Variants in MEGF6 observed in about 807,000 individuals in gnomAD.
MEGF6 encodes the protein multiple EGF like domains 6.
In MEGF6, 184 loss-of-function variants were observed where a neutral mutation model predicts 207.1. That is an observed-to-expected ratio of 0.89 (90% CI 0.79 to 1.00). The LOEUF (loss-of-function observed/expected upper bound fraction) is 1.00, where lower values mean the gene tolerates loss of function less well. Among genes scored for constraint, MEGF6 ranks in the 50% least tolerant of loss-of-function variants. MEGF6 has a pLI of 0.00. For missense variants in MEGF6, 2,282 were observed against 2,202.9 expected (o/e 1.04, Z -0.72); for synonymous variants, 1,038 against 910.0 (o/e 1.14, Z -2.53).
chr1:3,531,485 G>A lies in MEGF6; in HGVS notation c.482-7239C>T. The A allele has an allele frequency of 3.8e-6, 4 of 1,066,644 alleles. No individual in the cohort carries two copies. In the South Asian group the frequency reaches 1.3e-4, roughly 36 times the overall value. The allele number at this position is 1,066,644 out of a possible 1,614,324, so 66.1% of individuals were successfully genotyped here. A position where few individuals can be genotyped will look rare whatever the true frequency, so the allele number is the denominator to read the frequency against. Reference sequence around the variant, plus strand: ...CGCCCCGCAGGTAAAGGCCAAGTCCGCAGACAACCGAGGGAGCCGCCCCCG... The same window carrying A: ...CGCCCCGCAGGTAAAGGCCAAGTCCACAGACAACCGAGGGAGCCGCCCCCG... On this transcript the variant is annotated intron_variant, in intron 4 of 36. Transcript: ENST00000356575.
At chr1:3,506,366 T>G in intron 14 of MEGF6, 130 bp from the exon 15 acceptor site, 3 of 1,161,234 alleles carry the variant, frequency 2.6e-6, no homozygotes, top group Non-Finnish European at 3.6e-6. Context: ...GCCAGGGCAC[T>G]AGGTGAGCCT....
intron 3 of MEGF6, among the ~76,000 whole-genome samples, chr1:3,582,433 C>T (rs759400686): frequency 3.9e-5 from 6 of 152,186 alleles, no homozygotes; most frequent in Admixed American, 6.5e-5. Flanking sequence ...GTATCTTGAA[C>T]ACACCCACGT....
rs777623145 is a variant in MEGF6 at position 3,498,717 on chromosome 1, G to A, written c.3204C>T (p.Ala1068=). Residue 1068 remains alanine, a synonymous_variant, in exon 25 of 37, where the codon GCC becomes GCT. Transcript: ENST00000356575. ...GCTCACCCTTCTCACAGGCCAGGCC[G>A]GCCCAGCCCTCTGGGCACGCACAGT... ...SGHCACPEGW[A]GLACEKECLP... is the part of the protein sequence containing the mutation. 5.1e-6 allele frequency: 8 copies of A among 1,568,678 alleles called. No homozygotes were observed. In the Admixed American group the frequency reaches 7.3e-5, roughly 14 times the overall value.
At chr1:3,548,440 G>C (rs1385507242) in intron 4 of MEGF6, among the ~76,000 whole-genome samples, 2 of 152,256 alleles carry the variant, frequency 1.3e-5, no homozygotes, top group African/African-American at 4.8e-5. Flanking sequence ...ACAGCCCTGC[G>C]GAGGTCCATG....
intron 4 of MEGF6, among the ~76,000 whole-genome samples, chr1:3,534,664 C>A (rs187647218): frequency 6.6e-6 from 1 of 152,326 alleles, no homozygotes; most frequent in East Asian, 1.9e-4. Flanking sequence ...CACGCAGAGA[C>A]CCATGGCAGA....
At chr1:3,569,220 G>A (rs931994212) in intron 4 of MEGF6, among the ~76,000 whole-genome samples, 1 of 152,234 alleles carries the variant, frequency 6.6e-6, no homozygotes, top group Non-Finnish European at 1.5e-5. Flanking sequence ...AAGAAGCAGG[G>A]ACAGCCTCTG....
the MEGF6 span, among the ~76,000 whole-genome samples, chr1:3,619,457 C>T: frequency 2.0e-5 from 3 of 152,052 alleles, no homozygotes; most frequent in African/African-American, 7.2e-5. Context: ...TGTATGCCCC[C>T]ACCCAAATGT....
rs760092820 is a variant in MEGF6 at position 3,501,941 on chromosome 1, G to A, written c.2189-20C>T. On this transcript the variant is annotated intron_variant, in intron 17 of 36. Transcript: ENST00000356575. ...GGCACTCTGCAGGAGAAAGCACGAG[G>A]GGCCTTAGCCGCACCACGTGGAGTG... 20 of 1,475,720 alleles carry A rather than the reference G, an allele frequency of 1.4e-5. No individual in the cohort carries two copies. In the East Asian group the frequency reaches 2.0e-4, roughly 15 times the overall value. The allele number at this position is 1,475,720 out of a possible 1,614,324, so 91.4% of individuals were successfully genotyped here. A position where few individuals can be genotyped will look rare whatever the true frequency, so the allele number is the denominator to read the frequency against.
At chr1:3,567,528 G>GCCC (rs77661277) in intron 4 of MEGF6, among the ~76,000 whole-genome samples, 1 of 151,888 alleles carries the variant, frequency 6.6e-6, no homozygotes, top group African/African-American at 2.4e-5. Flanking sequence ...GCATGGACAT[G>GCCC]CCCCCCCCAG....
At chr1:3,564,720 C>T (rs1179571825) in intron 4 of MEGF6, among the ~76,000 whole-genome samples, 1 of 152,212 alleles carries the variant, frequency 6.6e-6, no homozygotes, top group Non-Finnish European at 1.5e-5. Flanking sequence ...TTAAAACCCT[C>T]AGCCATGCAA....
intron 4 of MEGF6, among the ~76,000 whole-genome samples, chr1:3,567,294 C>A (rs1459622649): frequency 6.6e-6 from 1 of 152,224 alleles, no homozygotes; most frequent in East Asian, 1.9e-4. Context: ...CTCACCCAGC[C>A]CAGACCTGCC....
At chr1:3,534,862 G>A (rs913972475) in intron 4 of MEGF6, among the ~76,000 whole-genome samples, 1 of 152,056 alleles carries the variant, frequency 6.6e-6, no homozygotes, top group African/African-American at 2.4e-5. Context: ...AGAGCCATCT[G>A]GGGGCCACCA....
chr1:3,606,830 G>C (rs997194955), intron 1 of MEGF6, among the ~76,000 whole-genome samples: 1 of 152,186 alleles, frequency 6.6e-6, no homozygotes, highest in African/African-American at 2.4e-5. Flanking sequence ...CTGGGCTACA[G>C]GGTCCAGCCC....
chr1:3,583,010 G>A (rs978166658), intron 3 of MEGF6, among the ~76,000 whole-genome samples: 1 of 152,176 alleles, frequency 6.6e-6, no homozygotes, highest in South Asian at 2.1e-4. Context: ...TTGATGAAGG[G>A]GTGAATGAAT....
In MEGF6 at chr1:3,573,800, G is replaced by A. The variant is rs377078605; in HGVS notation, c.481+6025C>T. On this transcript the variant is annotated intron_variant, in intron 4 of 36. Coordinates refer to ENST00000356575, the MANE Select transcript of MEGF6 (RefSeq NM_001409.4). This position sits in a 1 kb window ranked among gnomAD's most constrained non-coding sequence, Gnocchi z 5.1. Reference sequence around the variant, plus strand: ...CAGCCCTGGGTGGCGTCTGGAGCTCGGGCGAGGGGTCAGACTCCCACCCTC... The same window carrying A: ...CAGCCCTGGGTGGCGTCTGGAGCTCAGGCGAGGGGTCAGACTCCCACCCTC... Among the ~76,000 whole-genome samples the A allele has an allele frequency of 2.6e-5, 4 of 152,294 alleles. No individual in the cohort carries two copies. The highest frequency in any genetic ancestry group is 6.5e-5 in the Admixed American group (1 of 15,310).
chr1:3,574,734 C>A (rs952780182), intron 4 of MEGF6, among the ~76,000 whole-genome samples: 5 of 152,198 alleles, frequency 3.3e-5, no homozygotes, highest in Non-Finnish European at 5.9e-5. Context: ...CCTCCACCTC[C>A]CAGGTTCAAT....
chr1:3,546,959 G>GCT (rs1642735183), intron 4 of MEGF6: 1 of 185,272 alleles, frequency 5.4e-6, no homozygotes, highest in African/African-American at 2.4e-5. Context: ...TGGGAAGGGA[G>GCT]GCCGAGGCAG....
At position 3,507,872 on chromosome 1, in the gene MEGF6, T is replaced by C; in HGVS notation, c.1712A>G (p.Gln571Arg). 5.6e-6 allele frequency: 9 copies of C among 1,612,818 alleles called. No homozygotes were observed. Among genetic ancestry groups the C allele is most frequent in the Non-Finnish European group, 7.6e-6 (9 of 1,179,950 alleles). The change falls in exon 14 of 37, where the codon CAG becomes CGG. Residue 571 changes from glutamine (Q) to arginine (R), a missense_variant. By Grantham distance (43) the Gln-to-Arg change is conservative. Transcript: ENST00000356575. Reference protein sequence around the residue: ...GKNCSFSCSCQNGGTCDSVTG... With the variant: ...GKNCSFSCSCRNGGTCDSVTG... Reference sequence around the variant, plus strand: ...GACAGAGTCGCAGGTCCCACCATTCTGACAGCTGCAGGAGAAGCTGCAGTT... The same window carrying C: ...GACAGAGTCGCAGGTCCCACCATTCCGACAGCTGCAGGAGAAGCTGCAGTT...
intron 4 of MEGF6, among the ~76,000 whole-genome samples, chr1:3,572,181 T>G (rs537652583): frequency 1.4e-4 from 20 of 141,156 alleles, no homozygotes; most frequent in Admixed American, 1.3e-3. Context: ...CTGGGTGTGC[T>G]GGGTCCTCCT....
Sources: allele counts gnomAD v4.1 joint callset (sites outside exome capture counted in the v4.1 genomes callset), GRCh38; gene constraint gnomAD v4.1.1; non-coding constraint Gnocchi (gnomAD v3.1); transcripts MANE v1.5; gene names NCBI Gene and HGNC (gene_info 2026-07-23, HGNC 2026-07-21).